The following CACNA1E variants were observed in gnomAD, a reference collection of about 807,000 sequenced individuals.
CACNA1E encodes calcium voltage-gated channel subunit alpha1 E.
CACNA1E carries 40 observed loss-of-function variants against 259.2 expected under a neutral mutation model. The ratio of observed to expected loss-of-function variants is 0.15; its 90% CI spans 0.12 to 0.20. CACNA1E has a LOEUF of 0.20. Ranked by LOEUF, CACNA1E falls within the 10% of genes least tolerant of loss-of-function variation. The pLI is 1.00. For missense variants in CACNA1E, 1,874 were observed against 3,040.1 expected (o/e 0.62, Z 9.02); for synonymous variants, 1,104 against 1,138.5 (o/e 0.97, Z 0.61).
chr1:181,574,272 A>T (rs948113069), intron 3 of CACNA1E, among the ~76,000 whole-genome samples: 2 of 152,216 alleles, frequency 1.3e-5, no homozygotes, highest in African/African-American at 4.8e-5. Context: ...CATTCTGCAC[A>T]TGTAACTCAG....
At chr1:181,343,647 T>G (rs1218408881) in intron 1 of CACNA1E, among the ~76,000 whole-genome samples, 3 of 152,208 alleles carry the variant, frequency 2.0e-5, no homozygotes, top group African/African-American at 7.2e-5. Context: ...AAAAATGGAC[T>G]AACCCAGATG....
chr1:181,659,876 C>T (rs2102124729), intron 7 of CACNA1E, among the ~76,000 whole-genome samples: 1 of 152,246 alleles, frequency 6.6e-6, no homozygotes, highest in East Asian at 1.9e-4. Flanking sequence ...CTAGTTAGTG[C>T]TTATTTTAGT....
At chr1:181,630,343 G>A (rs915771826) in intron 6 of CACNA1E, among the ~76,000 whole-genome samples, 1 of 151,234 alleles carries the variant, frequency 6.6e-6, no homozygotes, top group Admixed American at 6.6e-5. Context: ...CTTCCTGAGG[G>A]CTTTGTCTTC....
intron 1 of CACNA1E, among the ~76,000 whole-genome samples, chr1:181,392,925 T>C (rs1656398982): frequency 6.6e-6 from 1 of 152,232 alleles, no homozygotes; most frequent in Admixed American, 6.5e-5. Flanking sequence ...GAGTAATACA[T>C]AACTGATCTA....
At chr1:181,587,944 CTG>C (rs1245153276) in intron 6 of CACNA1E, among the ~76,000 whole-genome samples, 2 of 152,166 alleles carry the variant, frequency 1.3e-5, no homozygotes, top group Non-Finnish European at 2.9e-5. Flanking sequence ...CAAATTCAGT[CTG>C]TGGAGTAAGT....
chr1:181,610,718 C>T (rs1280391678), intron 6 of CACNA1E, among the ~76,000 whole-genome samples: 1 of 152,144 alleles, frequency 6.6e-6, no homozygotes, highest in Non-Finnish European at 1.5e-5. Context: ...TTGTGGTGAG[C>T]TCCTCAGCCA....
At chr1:181,555,437 A>G (rs909933820) in intron 3 of CACNA1E, among the ~76,000 whole-genome samples, 3 of 152,222 alleles carry the variant, frequency 2.0e-5, no homozygotes, top group African/African-American at 7.2e-5. Flanking sequence ...AGGGCACCAT[A>G]TACATAGAGT....
intron 3 of CACNA1E, among the ~76,000 whole-genome samples, chr1:181,576,890 C>G (rs536154645): frequency 1.3e-5 from 2 of 152,154 alleles, no homozygotes; most frequent in Non-Finnish European, 1.5e-5. Context: ...ACGATACCCC[C>G]TTATTTTAGA....
chr1:181,807,753 T>C lies in CACNA1E; in HGVS notation c.*8919T>C, dbSNP rs1296630465. 6.6e-6 allele frequency: 1 copy of C among 152,148 alleles called. No individual in the cohort carries two copies. The highest frequency in any genetic ancestry group is 1.5e-5 in the Non-Finnish European group (1 of 68,010). 9.4% of individuals were successfully genotyped at this position (152,148 alleles called of 1,614,324 possible). A position where few individuals can be genotyped will look rare whatever the true frequency, so the allele number is the denominator to read the frequency against. On this transcript the variant is annotated 3_prime_UTR_variant, in exon 48 of 48. Transcript: ENST00000367573. The stretch of plus-strand genomic sequence containing the variant: ...TTATGATTAAAAACATCCAAAAATG[T>C]GATATGTGGTCATCTCTCAGGGAGG...
At chr1:181,391,937 C>G (rs5005879) in intron 1 of CACNA1E, among the ~76,000 whole-genome samples, 14 of 74,862 alleles carry the variant, frequency 1.9e-4, no homozygotes, top group South Asian at 4.3e-4. Context: ...CTCTCTCTCT[C>G]TCTCTCTCTG....
chr1:181,543,063 A>T (rs766981936), intron 3 of CACNA1E, among the ~76,000 whole-genome samples: 9 of 152,032 alleles, frequency 5.9e-5, no homozygotes, highest in Non-Finnish European at 1.2e-4. Context: ...ACATATTAAA[A>T]TATTAGAGAA....
At chr1:181,578,923 CT>C in intron 4 of CACNA1E, 148 bp from the exon 5 acceptor site, 1 of 628,260 alleles carries the variant, frequency 1.6e-6, no homozygotes. Flanking sequence ...GCCTAATTTC[CT>C]TTAGGAAAGG....
chr1:181,335,689 T>C (rs145985983), intron 1 of CACNA1E, among the ~76,000 whole-genome samples: 1 of 152,334 alleles, frequency 6.6e-6, no homozygotes, highest in African/African-American at 2.4e-5. Flanking sequence ...CCAGGGACCA[T>C]TGTGCCTTGG....
At chr1:181,379,262 C>G (rs991186227) in intron 1 of CACNA1E, among the ~76,000 whole-genome samples, 1 of 151,984 alleles carries the variant, frequency 6.6e-6, no homozygotes, top group Admixed American at 6.6e-5. Context: ...CTGGAATCCA[C>G]AAAGGAAGAG....
chr1:181,641,609 C>T (rs1277203334), intron 6 of CACNA1E, among the ~76,000 whole-genome samples: 1 of 151,426 alleles, frequency 6.6e-6, no homozygotes, highest in African/African-American at 2.4e-5. Flanking sequence ...GGTCTGATTT[C>T]AGTGGTCTTA....
chr1:181,506,539 G>A (rs1665727669), intron 1 of CACNA1E, among the ~76,000 whole-genome samples: 1 of 152,218 alleles, frequency 6.6e-6, no homozygotes, highest in Admixed American at 6.5e-5. Flanking sequence ...AGCACTGCCA[G>A]TAGAGACATG....
At chr1:181,722,253 CA>C (rs1654478893) in intron 16 of CACNA1E, among the ~76,000 whole-genome samples, 1 of 152,098 alleles carries the variant, frequency 6.6e-6, no homozygotes, top group South Asian at 2.1e-4. Context: ...CAGAGCCTGC[CA>C]CATAGTAAGA....
At chr1:181,650,526 G>C (rs1658662100) in intron 6 of CACNA1E, among the ~76,000 whole-genome samples, 1 of 152,182 alleles carries the variant, frequency 6.6e-6, no homozygotes, top group Non-Finnish European at 1.5e-5. Flanking sequence ...AGAACCCTTA[G>C]TTGAGTGGTA....
intron 1 of CACNA1E, among the ~76,000 whole-genome samples, chr1:181,382,376 A>G (rs1655516801): frequency 6.6e-6 from 1 of 152,176 alleles, no homozygotes; most frequent in Non-Finnish European, 1.5e-5. Flanking sequence ...GGTTTTTAGA[A>G]AGGTCACTCT....
Sources: allele counts gnomAD v4.1 joint callset (sites outside exome capture counted in the v4.1 genomes callset), GRCh38; gene constraint gnomAD v4.1.1; transcripts MANE v1.5; gene names NCBI Gene and HGNC (gene_info 2026-07-23, HGNC 2026-07-21).